Variants in ITSN2 observed in about 807,000 individuals in gnomAD.
The protein encoded by ITSN2 is intersectin 2, also known as intersectin-2.
ITSN2 carries 156 observed loss-of-function variants against 243.7 expected under a neutral mutation model. The observed-to-expected ratio is 0.64, with a 90% CI of 0.56 to 0.73. The LOEUF is 0.73. ITSN2 is among the 30% of genes least tolerant of loss of function. The pLI is 0.00. For missense variants in ITSN2, 1,801 were observed against 1,996.1 expected (o/e 0.90, Z 1.86); for synonymous variants, 703 against 699.9 (o/e 1.00, Z -0.07).
At chr2:24,335,490 G>T (rs1686262061) in intron 1 of ITSN2, among the ~76,000 whole-genome samples, 1 of 152,092 alleles carries the variant, frequency 6.6e-6, no homozygotes, top group Non-Finnish European at 1.5e-5. Flanking sequence ...GTACCACCAT[G>T]CTCAGCTAAT....
intron 22 of ITSN2, among the ~76,000 whole-genome samples, chr2:24,260,040 C>A (rs1398118246): frequency 1.3e-5 from 2 of 152,176 alleles, no homozygotes; most frequent in Non-Finnish European, 2.9e-5. Flanking sequence ...CCCACCTCAA[C>A]CTCCCAAGTA....
chr2:24,227,020 G>A (rs938318152), intron 29 of ITSN2, among the ~76,000 whole-genome samples: 8 of 152,170 alleles, frequency 5.3e-5, no homozygotes, highest in African/African-American at 1.9e-4. Context: ...GGAGGCTGAG[G>A]CAGGAGAATC....
chr2:24,223,190 A>G lies in ITSN2; in HGVS notation c.3578-2124T>C, dbSNP rs868312989. Among the ~76,000 whole-genome samples, 4 of 152,352 alleles carry G rather than the reference A, an allele frequency of 2.6e-5. No individual in the cohort carries two copies. In the Middle Eastern group the frequency reaches 0.01, roughly 389 times the overall value. The stretch of plus-strand genomic sequence containing the variant: ...AGCGAAGGCGCACCCTGCACCTGCC[A>G]GGACACTGTCCATCCAGCAGGGCGT... On this transcript the variant is annotated intron_variant, in intron 29 of 39. Transcript: ENST00000355123.
rs1038188290 is a variant in ITSN2, at chr2:24,360,485, G to C, written c.-215C>G. ...TGCGTAGCCTGTCACAGCCGCTCAG[G>C]GCTCCGCCGGCGCCGCCTCAGCCCC... is the stretch of plus-strand genomic sequence containing the variant. On this transcript the variant is annotated 5_prime_UTR_variant, in exon 1 of 40. Transcript: ENST00000355123. The C allele has an allele frequency of 6.6e-6, 1 of 152,228 alleles. No homozygotes were observed. The highest frequency in any genetic ancestry group is 1.9e-4 in the East Asian group (1 of 5,184). The allele number at this position is 152,228 out of a possible 1,614,324, so 9.4% of individuals were successfully genotyped here.
intron 29 of ITSN2, among the ~76,000 whole-genome samples, chr2:24,242,868 T>TA (rs1006453453): frequency 2.6e-5 from 4 of 151,894 alleles, no homozygotes; most frequent in Non-Finnish European, 5.9e-5. Flanking sequence ...CTGATTAAAC[T>TA]AAAAAAAACC....
At position 24,259,392 on chromosome 2, in the gene ITSN2, T is replaced by A. The variant is rs986421314; in HGVS notation, c.2683-1299A>T. ...CTCTTGTTATTTAGCTATTGTAATA[T>A]CCTTCCTTAACTGGTTGTTTTCTTC... is the stretch of plus-strand genomic sequence containing the variant. On this transcript the variant is annotated intron_variant, in intron 22 of 39. Transcript: ENST00000355123. Among the ~76,000 whole-genome samples, 4 of 152,354 alleles carry A rather than the reference T, an allele frequency of 2.6e-5. No individual in the cohort carries two copies. In the East Asian group the frequency reaches 7.7e-4, roughly 29 times the overall value.
At chr2:24,236,178 T>C (rs1047095274) in intron 29 of ITSN2, among the ~76,000 whole-genome samples, 2 of 152,218 alleles carry the variant, frequency 1.3e-5, no homozygotes, top group Non-Finnish European at 2.9e-5. Flanking sequence ...AAAGGAATGA[T>C]GTACAGCTAC....
intron 17 of ITSN2, among the ~76,000 whole-genome samples, chr2:24,282,965 CT>C (rs751826329): frequency 3.3e-5 from 5 of 151,738 alleles, no homozygotes; most frequent in African/African-American, 9.7e-5. Flanking sequence ...CTCTTTCCCC[CT>C]GCCTCCTCCT....
At chr2:24,203,845 C>T (rs1668561044) in intron 39 of ITSN2, 62 bp from the exon 40 acceptor site, 11 of 1,504,568 alleles carry the variant, frequency 7.3e-6, no homozygotes, top group Non-Finnish European at 9.9e-6. Flanking sequence ...TAAAGAGCTA[C>T]ATCCGGAAGA....
At chr2:24,257,351 GAGT>G (rs1558501969) in intron 23 of ITSN2, among the ~76,000 whole-genome samples, 1 of 151,978 alleles carries the variant, frequency 6.6e-6, no homozygotes, top group Non-Finnish European at 1.5e-5. Flanking sequence ...CTATAATTTT[GAGT>G]AGCTTGAAAA....
chr2:24,333,399 A>G (rs761195583), intron 1 of ITSN2, among the ~76,000 whole-genome samples: 11 of 152,218 alleles, frequency 7.2e-5, no homozygotes, highest in Non-Finnish European at 1.5e-4. Flanking sequence ...GGTAACCAGC[A>G]TCTCCCCAGG....
rs1224624127 is a variant in ITSN2 at position 24,295,734 on chromosome 2, T to C, written c.1565A>G (p.Glu522Gly). The change falls in exon 14 of 40, where the codon GAG becomes GGG. Residue 522 changes from glutamate to glycine, a missense_variant. Physicochemically the swap from Glu to Gly is moderately conservative, Grantham distance 98. Coordinates refer to ENST00000355123, the MANE Select transcript of ITSN2 (RefSeq NM_006277.3). ...VRLKKQTQKT[E>G]LEVLDKQCDL... The stretch of plus-strand genomic sequence containing the variant: ...ACACTGCTTATCCAGAACTTCCAGC[T>C]CAGTCTTTTGAGTTTGCTTTTTGAG... 1 of 1,565,708 alleles carries C rather than the reference T, an allele frequency of 6.4e-7. No homozygotes were observed. The highest frequency in any genetic ancestry group is 2.0e-5 in the Admixed American group (1 of 48,932).
chr2:24,272,474 C>T (rs1677489850), intron 18 of ITSN2, among the ~76,000 whole-genome samples: 1 of 150,140 alleles, frequency 6.7e-6, no homozygotes, highest in African/African-American at 2.5e-5. Context: ...CTCTATGGCC[C>T]AGGCTAGAGT....
chr2:24,322,196 G>A (rs1002875726), intron 2 of ITSN2, among the ~76,000 whole-genome samples: 2 of 152,160 alleles, frequency 1.3e-5, no homozygotes, highest in African/African-American at 2.4e-5. Flanking sequence ...AACTCACCCT[G>A]TGTCAGGTAC....
chr2:24,340,794 A>C (rs1184774993), intron 1 of ITSN2, among the ~76,000 whole-genome samples: 3 of 152,144 alleles, frequency 2.0e-5, no homozygotes, highest in African/African-American at 7.2e-5. Context: ...CTAGTTAGAG[A>C]CCCACATTTG....
At chr2:24,310,926 T>A (rs1412172800) in intron 5 of ITSN2, among the ~76,000 whole-genome samples, 1 of 152,056 alleles carries the variant, frequency 6.6e-6, no homozygotes, top group East Asian at 1.9e-4. Flanking sequence ...AGTTAAATAT[T>A]CTCCTCTCTC....
At chr2:24,259,869 TTA>T (rs1675581747) in intron 22 of ITSN2, among the ~76,000 whole-genome samples, 1 of 152,152 alleles carries the variant, frequency 6.6e-6, no homozygotes, top group Non-Finnish European at 1.5e-5. Context: ...TTACAGTTAT[TTA>T]TATGTCTGTC....
intron 24 of ITSN2, 112 bp from the exon 25 acceptor site, chr2:24,252,623 T>A (rs1674494052): frequency 1.7e-6 from 1 of 584,522 alleles, no homozygotes; most frequent in Non-Finnish European, 2.7e-6. Flanking sequence ...AAAGACCTTG[T>A]GCCTTCAGGA....
intron 31 of ITSN2, among the ~76,000 whole-genome samples, chr2:24,216,813 T>C (rs1302675409): frequency 6.6e-6 from 1 of 151,918 alleles, no homozygotes; most frequent in African/African-American, 2.4e-5. Context: ...TAGCTGGGCA[T>C]GGTGGCTCAC....
Sources: allele counts gnomAD v4.1 joint callset (sites outside exome capture counted in the v4.1 genomes callset), GRCh38; gene constraint gnomAD v4.1.1; transcripts MANE v1.5; gene names NCBI Gene and HGNC (gene_info 2026-07-23, HGNC 2026-07-21).